NRXN1: variants seen among roughly 807,000 people sequenced by gnomAD.
NRXN1 encodes neurexin 1.
A neutral mutation model predicts 150.9 loss-of-function variants in NRXN1; 39 were observed. The observed-to-expected ratio is 0.26, with a 90% CI of 0.20 to 0.34. NRXN1 has a LOEUF of 0.34. Among genes scored for constraint, NRXN1 ranks in the 10% least tolerant of loss-of-function variants. The probability of loss-of-function intolerance (pLI) is 1.00; values close to 1 mark genes in which losing one functional copy is unlikely to be tolerated. For missense variants in NRXN1, 1,815 were observed against 1,949.9 expected (o/e 0.93, Z 1.30); for synonymous variants, 924 against 757.0 (o/e 1.22, Z -3.62).
At chr2:50,442,573 G>C (rs2086055032) in intron 17 of NRXN1, among the ~76,000 whole-genome samples, 1 of 152,146 alleles carries the variant, frequency 6.6e-6, no homozygotes, top group African/African-American at 2.4e-5. Context: ...TAAAGGTTGA[G>C]ATACCTGTGA....
intron 5 of NRXN1, among the ~76,000 whole-genome samples, chr2:50,752,458 T>C (rs991482154): frequency 4.0e-5 from 6 of 151,864 alleles, no homozygotes; most frequent in Non-Finnish European, 8.8e-5. Context: ...TTCATAAAAT[T>C]TTACTGGAGG....
At chr2:50,823,029 C>T (rs919745680) in intron 5 of NRXN1, among the ~76,000 whole-genome samples, 1 of 152,296 alleles carries the variant, frequency 6.6e-6, no homozygotes, top group East Asian at 1.9e-4. Flanking sequence ...GAGAAAGTAA[C>T]TATAGACGTC....
intron 17 of NRXN1, among the ~76,000 whole-genome samples, chr2:50,456,766 A>C (rs1198640656): frequency 6.6e-6 from 1 of 152,060 alleles, no homozygotes; most frequent in Admixed American, 6.6e-5. Flanking sequence ...CTTTTAATAC[A>C]CTGGGCTTCA....
chr2:50,197,642 G>GTGA (rs950076427), intron 18 of NRXN1, among the ~76,000 whole-genome samples: 8 of 152,180 alleles, frequency 5.3e-5, no homozygotes, highest in Non-Finnish European at 1.0e-4. Flanking sequence ...GATGAGGCCA[G>GTGA]TGATAAGCAG....
chr2:51,029,852 AAAGG>A (rs1671198107), intron 1 of NRXN1, among the ~76,000 whole-genome samples: 4 of 152,184 alleles, frequency 2.6e-5, no homozygotes, highest in Admixed American at 2.6e-4. Flanking sequence ...TAACTTCTCT[AAAGG>A]TGCATAAAGT....
chr2:50,164,740 G>A (rs1005330541), intron 18 of NRXN1, among the ~76,000 whole-genome samples: 3 of 152,134 alleles, frequency 2.0e-5, no homozygotes, highest in Non-Finnish European at 4.4e-5. Flanking sequence ...TACATAAGGT[G>A]ATCTGAGGAT....
intron 5 of NRXN1, among the ~76,000 whole-genome samples, chr2:50,718,685 G>A (rs1031527845): frequency 6.6e-6 from 1 of 152,126 alleles, no homozygotes; most frequent in African/African-American, 2.4e-5. Flanking sequence ...AAGCTTTTAA[G>A]AGACAAGCCC....
intron 5 of NRXN1, 101 bp from the exon 6 acceptor site, chr2:50,623,716 G>C: frequency 5.2e-6 from 4 of 774,710 alleles, no homozygotes; most frequent in Non-Finnish European, 8.2e-6. Flanking sequence ...AAATTAACCT[G>C]CTTAATTAGA....
intron 2 of NRXN1, among the ~76,000 whole-genome samples, chr2:50,944,865 A>T (rs1690075148): frequency 6.6e-6 from 1 of 152,248 alleles, no homozygotes; most frequent in Non-Finnish European, 1.5e-5. Flanking sequence ...AAAATCTGTA[A>T]TTAATGCATA....
chr2:50,229,438 T>A (rs1425937803), intron 18 of NRXN1, among the ~76,000 whole-genome samples: 4 of 152,070 alleles, frequency 2.6e-5, no homozygotes, highest in Non-Finnish European at 5.9e-5. Context: ...TGTCTTTGTT[T>A]CTTTTTTTCT....
chr2:49,930,837 A>G (rs1669997079), intron 22 of NRXN1, among the ~76,000 whole-genome samples: 1 of 152,234 alleles, frequency 6.6e-6, no homozygotes, highest in South Asian at 2.1e-4. Context: ...GTTGAATCTA[A>G]TCATTAAGAA....
At chr2:50,507,980 C>T (rs1340297488) in intron 12 of NRXN1, among the ~76,000 whole-genome samples, 1 of 150,484 alleles carries the variant, frequency 6.6e-6, no homozygotes, top group Non-Finnish European at 1.5e-5. Context: ...AAGATACAGG[C>T]CAAGGAGAAG....
chr2:50,504,180 G>A (rs6754640), intron 13 of NRXN1, among the ~76,000 whole-genome samples: 61,464 of 147,444 alleles, frequency 0.42, 13,500 homozygotes, highest in Middle Eastern at 0.54. Flanking sequence ...CCTAGACTGC[G>A]CACTGTGCTG....
intron 17 of NRXN1, among the ~76,000 whole-genome samples, chr2:50,352,558 A>G (rs868711166): frequency 6.6e-5 from 10 of 151,912 alleles, no homozygotes; most frequent in Non-Finnish European, 1.2e-4. Flanking sequence ...CAGTATCCCC[A>G]TAAAGTAAAG....
intron 5 of NRXN1, among the ~76,000 whole-genome samples, chr2:50,865,899 A>G (rs1676872376): frequency 6.6e-6 from 1 of 151,456 alleles, no homozygotes; most frequent in Admixed American, 6.6e-5. Context: ...AATTGTATAG[A>G]TAAGGAAATA....
At chr2:50,493,174 T>C (rs2104879954) in intron 15 of NRXN1, among the ~76,000 whole-genome samples, 1 of 152,330 alleles carries the variant, frequency 6.6e-6, no homozygotes, top group South Asian at 2.1e-4. Flanking sequence ...TCATTTTTCC[T>C]GCAGCTCAGT....
At chr2:50,431,883 G>T (rs6744418) in intron 17 of NRXN1, among the ~76,000 whole-genome samples, 43,981 of 151,744 alleles carry the variant, frequency 0.29, 6,570 homozygotes, top group East Asian at 0.35. Context: ...GCTGTTCCCA[G>T]CACTTTCATA....
chr2:50,788,912 G>C (rs1249368685), intron 5 of NRXN1, among the ~76,000 whole-genome samples: 2 of 152,118 alleles, frequency 1.3e-5, no homozygotes, highest in Non-Finnish European at 1.5e-5. Flanking sequence ...TCTCAATAAA[G>C]GTGCTACCTC....
chr2:50,523,151 G>T (rs201496970), intron 12 of NRXN1, among the ~76,000 whole-genome samples: 1,174 of 7,000 alleles, frequency 0.17, 19 homozygotes, highest in African/African-American at 0.42. Context: ...AATTTTTTTT[G>T]ATTTTTGCTG....
Sources: allele counts gnomAD v4.1 joint callset (sites outside exome capture counted in the v4.1 genomes callset), GRCh38; gene constraint gnomAD v4.1.1; transcripts MANE v1.5; gene names NCBI Gene and HGNC (gene_info 2026-07-23, HGNC 2026-07-21).